The following CFAP263 variants were observed in gnomAD, a reference collection of about 807,000 sequenced individuals.
CFAP263 encodes the protein cilia and flagella associated protein 263, also known as cilia- and flagella-associated protein 263.
At chr16:58,257,677 CAG>C in the CFAP263 span, among the ~76,000 whole-genome samples, 4 of 147,910 alleles carry the variant, frequency 2.7e-5, no homozygotes, top group East Asian at 8.1e-4. Context: ...TTTTTAATAA[CAG>C]AAATATAATA....
At chr16:58,261,929 T>C in the CFAP263 span, among the ~76,000 whole-genome samples, 1 of 152,194 alleles carries the variant, frequency 6.6e-6, no homozygotes, top group Non-Finnish European at 1.5e-5. Flanking sequence ...CTGCTTGTCC[T>C]GGGTTTTTCA....
chr16:58,258,346 C>T, the CFAP263 span: 4 of 1,611,380 alleles, frequency 2.5e-6, no homozygotes, highest in African/African-American at 4.0e-5. Context: ...ACGTTCTTCT[C>T]TCTTTGTGCT....
At chr16:58,272,987 G>T in the CFAP263 span, among the ~76,000 whole-genome samples, 1 of 151,728 alleles carries the variant, frequency 6.6e-6, no homozygotes, top group South Asian at 2.1e-4. Context: ...TGAGTGGCAG[G>T]TTTTTTTTCT....
At chr16:58,261,414 G>A in the CFAP263 span, among the ~76,000 whole-genome samples, 1 of 152,232 alleles carries the variant, frequency 6.6e-6, no homozygotes, top group East Asian at 1.9e-4. Flanking sequence ...GCTGGAGATG[G>A]GGAGTAGATG....
the CFAP263 span, among the ~76,000 whole-genome samples, chr16:58,268,026 GAA>G: frequency 7.7e-6 from 1 of 130,514 alleles, no homozygotes; most frequent in Admixed American, 7.7e-5. Context: ...AAGAGAGAGA[GAA>G]GAAAGAGAGA....
the CFAP263 span, chr16:58,258,408 C>A: frequency 2.5e-5 from 40 of 1,613,622 alleles, no homozygotes; most frequent in East Asian, 8.2e-4. Context: ...AGTGAAGTTT[C>A]GAGAGAAGTG....
chr16:58,251,094 T>G, the CFAP263 span, among the ~76,000 whole-genome samples: 1 of 152,210 alleles, frequency 6.6e-6, no homozygotes, highest in African/African-American at 2.4e-5. Context: ...ACAAATACTT[T>G]AGGTCAGAAC....
chr16:58,279,883 C>T, the CFAP263 span: 1 of 898,188 alleles, frequency 1.1e-6, no homozygotes, highest in Non-Finnish European at 1.7e-6. Flanking sequence ...CTGGTGTTCC[C>T]AACCCCCCAC....
the CFAP263 span, among the ~76,000 whole-genome samples, chr16:58,277,674 C>T: frequency 5.3e-5 from 8 of 152,120 alleles, no homozygotes; most frequent in South Asian, 2.1e-4. Context: ...AAGTGTCTAT[C>T]GAAGGATGAA....
At chr16:58,251,140 G>C in the CFAP263 span, among the ~76,000 whole-genome samples, 1 of 152,122 alleles carries the variant, frequency 6.6e-6, no homozygotes, top group Admixed American at 6.5e-5. Flanking sequence ...ATTTTTGAGT[G>C]TTTCTATGTA....
chr16:58,265,916 G>A, the CFAP263 span, among the ~76,000 whole-genome samples: 1 of 152,050 alleles, frequency 6.6e-6, no homozygotes, highest in African/African-American at 2.4e-5. Context: ...GCCGCTCTAA[G>A]TTGGTGACCG....
the CFAP263 span, chr16:58,250,503 G>GC: frequency 3.4e-4 from 55 of 161,838 alleles, no homozygotes; most frequent in South Asian, 8.2e-3. Context: ...GGTGGCTCAC[G>GC]CCTGTAATCT....
At chr16:58,269,266 G>A in the CFAP263 span, among the ~76,000 whole-genome samples, 13 of 152,130 alleles carry the variant, frequency 8.5e-5, no homozygotes, top group Non-Finnish European at 1.3e-4. Flanking sequence ...AGGAGGTGGA[G>A]GTTGCAGTGA....
At chr16:58,262,767 A>G in the CFAP263 span, among the ~76,000 whole-genome samples, 1 of 121,494 alleles carries the variant, frequency 8.2e-6, no homozygotes, top group South Asian at 2.5e-4. Flanking sequence ...TGATAGGTAG[A>G]TAGATAGATA....
the CFAP263 span, chr16:58,278,408 A>T: frequency 1.5e-6 from 2 of 1,363,944 alleles, no homozygotes; most frequent in Non-Finnish European, 2.1e-6. Flanking sequence ...ATGGGGAGAG[A>T]TGGCAGGGCC....
At chr16:58,280,130 G>A in the CFAP263 span, 1 of 1,292,876 alleles carries the variant, frequency 7.7e-7, no homozygotes, top group African/African-American at 1.5e-5. Flanking sequence ...GCCCCAGTGT[G>A]CAACTATCAA....
chr16:58,267,398 C>T, the CFAP263 span: 8 of 963,258 alleles, frequency 8.3e-6, no homozygotes, highest in Non-Finnish European at 1.3e-5. Context: ...CTTTTCTGTT[C>T]GTTAACAAAG....
At chr16:58,270,427 G>A in the CFAP263 span, among the ~76,000 whole-genome samples, 2 of 151,776 alleles carry the variant, frequency 1.3e-5, no homozygotes, top group African/African-American at 2.4e-5. Context: ...ATCGGTACTC[G>A]AAGTATGGTT....
At chr16:58,271,911 A>G in the CFAP263 span, among the ~76,000 whole-genome samples, 1 of 152,112 alleles carries the variant, frequency 6.6e-6, no homozygotes, top group African/African-American at 2.4e-5. Flanking sequence ...GTGGGGATTT[A>G]TGCTCCACAT....
Sources: allele counts gnomAD v4.1 joint callset (sites outside exome capture counted in the v4.1 genomes callset), GRCh38; gene constraint gnomAD v4.1.1; transcripts MANE v1.5; gene names NCBI Gene and HGNC (gene_info 2026-07-23, HGNC 2026-07-21).